RABGEF1: variants seen among roughly 807,000 people sequenced by gnomAD.
The protein encoded by RABGEF1 is rab5 GDP/GTP exchange factor.
Under a neutral mutation model 57.3 loss-of-function variants are expected in RABGEF1, and 26 were observed. The observed-to-expected ratio is 0.45, with a 90% CI of 0.33 to 0.63. RABGEF1 has a LOEUF of 0.63. Ranked by LOEUF, RABGEF1 falls within the 20% of genes least tolerant of loss-of-function variation. RABGEF1 has a pLI of 0.02. For missense variants in RABGEF1, 464 were observed against 607.6 expected, an observed-to-expected ratio of 0.76 and a Z score of 2.48; for synonymous variants, 185 against 210.7, an observed-to-expected ratio of 0.88 and a Z score of 1.06.
At chr7:66,660,369 A>G in the RABGEF1 span, among the ~76,000 whole-genome samples, 1 of 151,874 alleles carries the variant, frequency 6.6e-6, no homozygotes, top group Non-Finnish European at 1.5e-5. Context: ...AAAGAAAGAA[A>G]AAAGAAAATG....
Position 66,734,760 on chromosome 7 carries a change from A to T in RABGEF1, c.-814-5236A>T, listed in dbSNP as rs141782289. Among the ~76,000 whole-genome samples, 674 of 152,064 alleles carry T rather than the reference A, an allele frequency of 4.4e-3. 2 individuals carry two copies. The highest frequency in any genetic ancestry group is 6.7e-3 in the Non-Finnish European group (455 of 67,968). Reference sequence around the variant, plus strand: ...AAAGGAGCACTCCTGTGGGAGACCAATGGGTGCATGATATTGTTGTCATTT... The same window carrying T: ...AAAGGAGCACTCCTGTGGGAGACCATTGGGTGCATGATATTGTTGTCATTT... On this transcript the variant is annotated intron_variant and NMD_transcript_variant, in intron 2 of 9. Coordinates refer to the RABGEF1 transcript ENST00000607882.
chr7:66,780,202 T>G (rs531482719), intron 3 of RABGEF1, among the ~76,000 whole-genome samples: 2 of 152,186 alleles, frequency 1.3e-5, no homozygotes, highest in Non-Finnish European at 2.9e-5. Flanking sequence ...TTCTGAAGAG[T>G]CTTCAGTCCT....
At chr7:66,685,931 C>T (rs372875268) in intron 1 of RABGEF1, among the ~76,000 whole-genome samples, 1 of 152,138 alleles carries the variant, frequency 6.6e-6, no homozygotes, top group Admixed American at 6.6e-5. Context: ...AACCTAACAC[C>T]TGTGACTCAG....
At chr7:66,742,669 C>T (rs1367334403) in intron 1 of RABGEF1, among the ~76,000 whole-genome samples, 1 of 152,102 alleles carries the variant, frequency 6.6e-6, no homozygotes, top group Non-Finnish European at 1.5e-5. Context: ...TACAGTGACA[C>T]GATCACGAGT....
chr7:66,675,755 C>A, the RABGEF1 span, among the ~76,000 whole-genome samples: 1 of 152,108 alleles, frequency 6.6e-6, no homozygotes, highest in South Asian at 2.1e-4. Context: ...TCAACACACA[C>A]AAAAATTAGT....
chr7:66,762,944 G>T (rs540969174), intron 1 of RABGEF1, among the ~76,000 whole-genome samples: 14 of 152,304 alleles, frequency 9.2e-5, no homozygotes, highest in African/African-American at 3.4e-4. Context: ...ATGTGCAAAG[G>T]CTCTCCCAAC....
In RABGEF1 at chr7:66,683,458, A is replaced by T. The variant is rs1302689017; in HGVS notation, c.-873+1200A>T. 3.9e-5 allele frequency among the ~76,000 whole-genome samples: 6 copies of T among 152,220 alleles called. No individual in the cohort carries two copies. In the South Asian group the frequency reaches 6.2e-4, roughly 16 times the overall value. On this transcript the variant is annotated intron_variant and NMD_transcript_variant, in intron 1 of 9. Transcript: ENST00000607882. The stretch of plus-strand genomic sequence containing the variant: ...TGAATATTTAATGACCTTTCCAATC[A>T]GTCAGTTTCTGCTCTCTAGAAGTTA...
intron 1 of RABGEF1, among the ~76,000 whole-genome samples, chr7:66,703,229 C>T (rs1039734795): frequency 3.9e-5 from 6 of 152,304 alleles, no homozygotes; most frequent in African/African-American, 1.4e-4. Flanking sequence ...GCCTTGGCCT[C>T]CCAAAGTGCT....
At position 66,793,918 on chromosome 7, in the gene RABGEF1, G is replaced by A. The variant is rs1398515587; in HGVS notation, c.514-1593G>A. Among the ~76,000 whole-genome samples, 5 of 152,036 alleles carry A rather than the reference G, an allele frequency of 3.3e-5. 1 individual carries two copies. Among genetic ancestry groups the A allele is most frequent in the African/African-American group, 9.7e-5 (4 of 41,374 alleles). On this transcript the variant is annotated intron_variant, in intron 4 of 8. Coordinates refer to ENST00000284957, the MANE Select transcript of RABGEF1 (RefSeq NM_014504.3). Reference sequence around the variant, plus strand: ...GTGTAGATGAAGTCTGTGACAGCCCGTCCTGGGGGTTTGTTCTCGGCCTTA... The same window carrying A: ...GTGTAGATGAAGTCTGTGACAGCCCATCCTGGGGGTTTGTTCTCGGCCTTA...
At chr7:66,736,580 G>C (rs12537771), upstream of RABGEF1, among the ~76,000 whole-genome samples, 6,004 of 152,262 alleles carry the variant, frequency 0.039, 166 homozygotes, top group East Asian at 0.085. Flanking sequence ...CCTGATTTAA[G>C]AGCTATCAGG....
intron 2 of RABGEF1, among the ~76,000 whole-genome samples, chr7:66,720,169 CATTATTATT>C (rs200225436): frequency 9.0e-5 from 12 of 134,012 alleles, no homozygotes; most frequent in Non-Finnish European, 1.1e-4. Context: ...AACATCCATT[CATTATTATT>C]ATTATTATTA....
upstream of RABGEF1, among the ~76,000 whole-genome samples, chr7:66,680,857 G>A (rs550489301): frequency 2.0e-5 from 3 of 152,104 alleles, no homozygotes; most frequent in Non-Finnish European, 4.4e-5. Flanking sequence ...CAAGGCGGGC[G>A]GATCACTTGA....
intron 1 of RABGEF1, among the ~76,000 whole-genome samples, chr7:66,691,687 A>G (rs1324434713): frequency 6.6e-6 from 1 of 152,184 alleles, no homozygotes; most frequent in Admixed American, 6.6e-5. Context: ...ACATTTTATT[A>G]CAAAATAGGG....
chr7:66,681,976 T>G (rs1789784198), upstream of RABGEF1, among the ~76,000 whole-genome samples: 1 of 152,208 alleles, frequency 6.6e-6, no homozygotes, highest in Non-Finnish European at 1.5e-5. Context: ...CTCTTCTATT[T>G]GCTCTTGGGC....
At chr7:66,689,164 C>G (rs1338216414) in intron 1 of RABGEF1, among the ~76,000 whole-genome samples, 1 of 151,714 alleles carries the variant, frequency 6.6e-6, no homozygotes, top group Non-Finnish European at 1.5e-5. Context: ...TTTAAAGGAT[C>G]TAGAAAAGAA....
intron 1 of RABGEF1, among the ~76,000 whole-genome samples, chr7:66,688,604 C>T (rs1226001112): frequency 6.6e-6 from 1 of 152,142 alleles, no homozygotes; most frequent in African/African-American, 2.4e-5. Flanking sequence ...ACATCAGTAA[C>T]CAGCAAAACT....
chr7:66,723,699 G>A (rs565118033), intron 2 of RABGEF1, among the ~76,000 whole-genome samples: 1 of 149,188 alleles, frequency 6.7e-6, no homozygotes, highest in East Asian at 2.0e-4. Flanking sequence ...TCCTGCCTCA[G>A]CCTCCTGAGT....
chr7:66,747,041 G>A (rs1034133096), intron 1 of RABGEF1, among the ~76,000 whole-genome samples: 1 of 152,010 alleles, frequency 6.6e-6, no homozygotes, highest in African/African-American at 2.4e-5. Flanking sequence ...TGATCCACCT[G>A]CCTTGGCCTC....
the RABGEF1 span, among the ~76,000 whole-genome samples, chr7:66,665,754 TG>T: frequency 6.6e-6 from 1 of 152,080 alleles, no homozygotes; most frequent in Admixed American, 6.6e-5. Flanking sequence ...TGTTGTAGCT[TG>T]GGGGGTGGCC....
Sources: gnomAD v4.1 joint callset for allele counts (sites outside exome capture counted in the v4.1 genomes callset) on GRCh38, gnomAD v4.1.1 for gene constraint, MANE v1.5 for transcripts, NCBI Gene and HGNC (gene_info 2026-07-23, HGNC 2026-07-21) for gene names.